PPIL2: variants seen among roughly 807,000 people sequenced by gnomAD.
The protein encoded by PPIL2 is RING-type E3 ubiquitin-protein ligase PPIL2.
In PPIL2, 50 loss-of-function variants were observed where a neutral mutation model predicts 75.2. The observed-to-expected ratio is 0.66, with a 90% CI of 0.53 to 0.84. The LOEUF is 0.84. Ranked by LOEUF, PPIL2 falls within the 40% of genes least tolerant of loss-of-function variation. The pLI is 0.00. For missense variants in PPIL2, 590 were observed against 685.0 expected (o/e 0.86, Z 1.55); for synonymous variants, 245 against 258.8 (o/e 0.95, Z 0.51).
At position 21,688,085 on chromosome 22, in the gene PPIL2, G is replaced by A. The variant is rs561912191; in HGVS notation, c.1000G>A (p.Asp334Asn). ...SIRNFVIQGG[D>N]PTGTGTGGES... ...TTTGTTTTCACAGATCCAAGGGGGC[G>A]ACCCCACAGGCACAGGCACGGGTAG... The change falls in exon 14 of 20, where the codon GAC becomes AAC. Residue 334 changes from aspartate to asparagine, a missense_variant. Coordinates refer to ENST00000398831, the MANE Select transcript of PPIL2 (RefSeq NM_014337.4). The A allele has an allele frequency of 1.9e-6, 3 of 1,614,180 alleles. No homozygotes were observed. Among genetic ancestry groups the A allele is most frequent in the Non-Finnish European group, 2.5e-6 (3 of 1,180,030 alleles).
intron 7 of PPIL2, among the ~76,000 whole-genome samples, chr22:21,682,024 G>A (rs540890277): frequency 7.0e-4 from 106 of 152,372 alleles, no homozygotes; most frequent in Non-Finnish European, 1.3e-3. Context: ...GTCAGTCCTC[G>A]TTAGTGGAGT....
intron 8 of PPIL2, 64 bp downstream of exon 8, chr22:21,682,590 C>A: frequency 7.8e-7 from 1 of 1,287,592 alleles, no homozygotes; most frequent in Non-Finnish European, 1.1e-6. Flanking sequence ...CAGGCCTCTA[C>A]AGGGCCCTAC....
At position 21,670,605 on chromosome 22, in the gene PPIL2, A is replaced by G; in HGVS notation, c.122A>G (p.His41Arg). Reference protein sequence around the residue: ...QTNFRRLPFDHCSLSLQPFVY... With the variant: ...QTNFRRLPFDRCSLSLQPFVY... ...AATTTTCGTCGTTTACCTTTTGACCACTGCAGGTAAGAGTTTTGCGAGTTT... is the reference window on the plus strand; with the variant it reads ...AATTTTCGTCGTTTACCTTTTGACCGCTGCAGGTAAGAGTTTTGCGAGTTT... Residue 41 changes from histidine (H) to arginine (R), a missense_variant, in exon 3 of 20, where the codon CAC (histidine) becomes CGC (arginine). Coordinates refer to ENST00000398831, the MANE Select transcript of PPIL2 (RefSeq NM_014337.4). 1 of 1,610,532 alleles carries G rather than the reference A, an allele frequency of 6.2e-7. No individual in the cohort carries two copies. The highest frequency in any genetic ancestry group is 8.5e-7 in the Non-Finnish European group (1 of 1,176,740).
intron 9 of PPIL2, among the ~76,000 whole-genome samples, chr22:21,683,730 T>C (rs2067226323): frequency 6.6e-6 from 1 of 152,188 alleles, no homozygotes; most frequent in South Asian, 2.1e-4. Flanking sequence ...GAGGTCAGGG[T>C]TGGGGCTGGG....
chr22:21,683,263 T>G lies in PPIL2; in HGVS notation c.553+6T>G. ...CATGAAAATAATAGACCCAGGTATGTACACCTAGGGGCTGGGCTAGGCGAG... is the reference window on the plus strand; with the variant it reads ...CATGAAAATAATAGACCCAGGTATGGACACCTAGGGGCTGGGCTAGGCGAG... On this transcript the variant is annotated splice_donor_region_variant and intron_variant, in intron 9 of 19. Coordinates refer to ENST00000398831, the MANE Select transcript of PPIL2 (RefSeq NM_014337.4). The G allele has an allele frequency of 6.2e-7, 1 of 1,603,342 alleles. No homozygotes were observed. Among genetic ancestry groups the G allele is most frequent in the Non-Finnish European group, 8.5e-7 (1 of 1,170,240 alleles).
chr22:21,675,044 A>AT lies in PPIL2; in HGVS notation c.244-18dup, dbSNP rs759547054. On this transcript the variant is annotated intron_variant, in intron 5 of 19. Coordinates refer to ENST00000398831, the MANE Select transcript of PPIL2 (RefSeq NM_014337.4). ...AGTTACTTATTCATTATCATTAATT[A>AT]TTAACTGTGCTTCTTCCAGAAGCTG... 1.9e-6 allele frequency: 3 copies of AT among 1,595,212 alleles called. No homozygotes were observed. The South Asian group carries it at 3.3e-5, about 18-fold the overall frequency.
In PPIL2 at chr22:21,670,563, C is replaced by T; in HGVS notation, c.83-3C>T. 1 of 1,607,292 alleles carries T rather than the reference C, an allele frequency of 6.2e-7. No homozygotes were observed. The highest frequency in any genetic ancestry group is 2.2e-5 in the East Asian group (1 of 44,856). ...TTCTGTTTTTTATTTCATTTTTAAA[C>T]AGATCTCCCACAAACAAATTTTCGT... On this transcript the variant is annotated splice_region_variant and splice_polypyrimidine_tract_variant and intron_variant, in intron 2 of 19. Coordinates refer to ENST00000398831, the MANE Select transcript of PPIL2 (RefSeq NM_014337.4).
chr22:21,695,862 C>T lies in PPIL2; in HGVS notation c.*372C>T. On this transcript the variant is annotated 3_prime_UTR_variant, in exon 20 of 20. Transcript: ENST00000398831. ...TTTAAGACAGGGTCTTGCTCTGTTG[C>T]CCAGGCTCCAGTGCAGTGGTGTGAT... The T allele has an allele frequency of 1.8e-6, 2 of 1,116,662 alleles. No individual in the cohort carries two copies. Among genetic ancestry groups the T allele is most frequent in the South Asian group, 4.4e-5 (2 of 45,542 alleles). The allele number at this position is 1,116,662 out of a possible 1,614,324, so 69.2% of individuals were successfully genotyped here. A position where few individuals can be genotyped will look rare whatever the true frequency, so the allele number is the denominator to read the frequency against.
rs748758994 is a variant in PPIL2 at position 21,684,805 on chromosome 22, C to G, written c.606C>G (p.Ala202=). Reference sequence around the variant, plus strand: ...CTTATTATCTGAAAAATACAAATGCCGAGACCCGAGAGACCCTGCAGGAGC... The same window carrying G: ...CTTATTATCTGAAAAATACAAATGCGGAGACCCGAGAGACCCTGCAGGAGC... ...DPSYYLKNTN[A]ETRETLQELY... is the part of the protein sequence containing the mutation. Residue 202 remains alanine (A), a synonymous_variant, in exon 10 of 20, where the codon GCC becomes GCG. Coordinates refer to ENST00000398831, the MANE Select transcript of PPIL2 (RefSeq NM_014337.4). The G allele has an allele frequency of 6.2e-7, 1 of 1,614,108 alleles. No homozygotes were observed. The highest frequency in any genetic ancestry group is 8.5e-7 in the Non-Finnish European group (1 of 1,180,020).
chr22:21,670,415 A>G (rs2066587230), intron 2 of PPIL2, 151 bp from the exon 3 acceptor site: 2 of 1,474,242 alleles, frequency 1.4e-6, no homozygotes. Flanking sequence ...GTTTTGGTTT[A>G]TCTGTTAAAA....
At chr22:21,681,485 G>T (rs1019915923) in intron 7 of PPIL2, 95 bp downstream of exon 7, 7 of 1,131,922 alleles carry the variant, frequency 6.2e-6, no homozygotes, top group Admixed American at 1.9e-5. Flanking sequence ...TACGTGTACG[G>T]CCTGTCCTCG....
intron 9 of PPIL2, among the ~76,000 whole-genome samples, 190 bp downstream of exon 9, chr22:21,683,447 T>G (rs887430114): frequency 6.6e-6 from 1 of 152,142 alleles, no homozygotes; most frequent in Non-Finnish European, 1.5e-5. Flanking sequence ...GGGATAGACT[T>G]GCTGCCCTGC....
chr22:21,692,368 A>C lies in PPIL2; in HGVS notation c.1140-1448A>C, dbSNP rs1043006863. On this transcript the variant is annotated intron_variant, in intron 15 of 19. Transcript: ENST00000398831. Reference sequence around the variant, plus strand: ...ATGGGGTTTCACCGTGTTAGCGAGGATGGTCTCGATCTCCTGACCTTGTGA... The same window carrying C: ...ATGGGGTTTCACCGTGTTAGCGAGGCTGGTCTCGATCTCCTGACCTTGTGA... 6.6e-5 allele frequency among the ~76,000 whole-genome samples: 10 copies of C among 151,038 alleles called. No individual in the cohort carries two copies. In the South Asian group the frequency reaches 1.0e-3, roughly 16 times the overall value.
At chr22:21,677,926 C>T (rs2066946171) in intron 6 of PPIL2, among the ~76,000 whole-genome samples, 1 of 152,110 alleles carries the variant, frequency 6.6e-6, no homozygotes, top group African/African-American at 2.4e-5. Context: ...GCCGTGTGGG[C>T]ATCGGGGGAG....
chr22:21,694,598 T>C lies in PPIL2; in HGVS notation c.1202T>C (p.Val401Ala). ...DKKHTIFGRV[V>A]GGFDVLTAME... is the part of the protein sequence containing the mutation. ...CCTCTGTCTCCCTGCTGCAGGGTTG[T>C]TGGGGGCTTTGACGTACTGACAGCC... The change falls in exon 17 of 20, where the codon GTT (valine) becomes GCT (alanine). Residue 401 changes from valine (V) to alanine (A), a missense_variant. Coordinates refer to ENST00000398831, the MANE Select transcript of PPIL2 (RefSeq NM_014337.4). The C allele has an allele frequency of 1.2e-6, 2 of 1,614,038 alleles. No homozygotes were observed. Among genetic ancestry groups the C allele is most frequent in the African/African-American group, 1.3e-5 (1 of 75,036 alleles).
At chr22:21,672,655 CT>C (rs2066680887) in intron 5 of PPIL2, among the ~76,000 whole-genome samples, 1 of 152,168 alleles carries the variant, frequency 6.6e-6, no homozygotes, top group African/African-American at 2.4e-5. Flanking sequence ...CTATATAAAC[CT>C]TTGATTATAT....
chr22:21,684,722 G>T, intron 9 of PPIL2, 31 bp from the exon 10 acceptor site: 1 of 1,608,818 alleles, frequency 6.2e-7, no homozygotes, highest in Non-Finnish European at 8.5e-7. Flanking sequence ...CTGGGGGCTC[G>T]GCGGCTCAGG....
At position 21,696,504 on chromosome 22, in the gene PPIL2, A is replaced by C. The variant is rs771443967; in HGVS notation, c.*1014A>C. The C allele has an allele frequency of 1.6e-4, 204 of 1,275,226 alleles. 1 individual carries two copies. The highest frequency in any genetic ancestry group is 1.9e-4 in the Non-Finnish European group (194 of 1,000,304). The allele number at this position is 1,275,226 out of a possible 1,614,324, so 79.0% of individuals were successfully genotyped here. On this transcript the variant is annotated 3_prime_UTR_variant, in exon 20 of 20. Coordinates refer to ENST00000398831, the MANE Select transcript of PPIL2 (RefSeq NM_014337.4). Reference sequence around the variant, plus strand: ...CAGCTGCATCAGCAGCCCTTAAAGAAAGACCCCTCCCTCAACCCCCATTTT... The same window carrying C: ...CAGCTGCATCAGCAGCCCTTAAAGACAGACCCCTCCCTCAACCCCCATTTT...
Position 21,695,864 on chromosome 22 carries a change from C to A in PPIL2, c.*374C>A. On this transcript the variant is annotated 3_prime_UTR_variant, in exon 20 of 20. Transcript: ENST00000398831. ...TAAGACAGGGTCTTGCTCTGTTGCCCAGGCTCCAGTGCAGTGGTGTGATCA... is the reference window on the plus strand; with the variant it reads ...TAAGACAGGGTCTTGCTCTGTTGCCAAGGCTCCAGTGCAGTGGTGTGATCA... 1 of 1,113,768 alleles carries A rather than the reference C, an allele frequency of 9.0e-7. No individual in the cohort carries two copies. The highest frequency in any genetic ancestry group is 1.1e-6 in the Non-Finnish European group (1 of 901,814). The allele number at this position is 1,113,768 out of a possible 1,614,324, so 69.0% of individuals were successfully genotyped here.
Sources: gnomAD v4.1 joint callset for allele counts (sites outside exome capture counted in the v4.1 genomes callset) on GRCh38, gnomAD v4.1.1 for gene constraint, MANE v1.5 for transcripts, NCBI Gene and HGNC (gene_info 2026-07-23, HGNC 2026-07-21) for gene names.